PCNX2: variants seen among roughly 807,000 people sequenced by gnomAD.
PCNX2 encodes the protein pecanex 2, also known as pecanex-like protein 2.
PCNX2 carries 168 observed loss-of-function variants against 223.8 expected under a neutral mutation model. The ratio of observed to expected loss-of-function variants is 0.75; its 90% CI spans 0.66 to 0.85. The LOEUF (loss-of-function observed/expected upper bound fraction) is 0.85, where lower values mean the gene tolerates loss of function less well. PCNX2 is among the 40% of genes least tolerant of loss of function. PCNX2 has a pLI of 0.00. For missense variants in PCNX2, 2,507 were observed against 2,675.5 expected (o/e 0.94, Z 1.39); for synonymous variants, 1,006 against 1,052.6 (o/e 0.96, Z 0.86).
At chr1:233,020,863 G>C (rs1420239170) in intron 26 of PCNX2, among the ~76,000 whole-genome samples, 1 of 152,130 alleles carries the variant, frequency 6.6e-6, no homozygotes, top group Non-Finnish European at 1.5e-5. Context: ...TTTATTAGGA[G>C]ATTTCAAAAA....
chr1:233,043,160 C>T (rs1247030617), intron 25 of PCNX2, among the ~76,000 whole-genome samples: 2 of 152,152 alleles, frequency 1.3e-5, no homozygotes, highest in African/African-American at 2.4e-5. Context: ...ATGGTGATTC[C>T]TCATTCATTT....
intron 21 of PCNX2, among the ~76,000 whole-genome samples, chr1:233,100,197 G>A (rs994516241): frequency 1.3e-5 from 2 of 152,120 alleles, no homozygotes; most frequent in Admixed American, 6.5e-5. Flanking sequence ...CAGATCACCA[G>A]AGGTCAGGAG....
intron 23 of PCNX2, chr1:233,058,665 C>CTTTTTTTTTTTTTTTTTTT (rs771648037): frequency 6.7e-5 from 8 of 119,812 alleles, no homozygotes; most frequent in African/African-American, 1.7e-4. Context: ...CTTTTCTTTT[C>CTTTTTTTTTTTTTTTTTTT]TTTTTTTTTT....
chr1:233,147,326 T>C (rs897500099), intron 19 of PCNX2, among the ~76,000 whole-genome samples: 7 of 152,214 alleles, frequency 4.6e-5, no homozygotes, highest in African/African-American at 1.2e-4. Context: ...TGTATTCTTA[T>C]AATAAAGCAT....
intron 1 of PCNX2, among the ~76,000 whole-genome samples, chr1:233,278,099 C>G (rs912905253): frequency 9.2e-5 from 14 of 152,232 alleles, no homozygotes; most frequent in African/African-American, 3.1e-4. Flanking sequence ...TTTATGGACT[C>G]TATTTCAAGT....
At chr1:233,278,836 G>A (rs938869101) in intron 1 of PCNX2, among the ~76,000 whole-genome samples, 1 of 152,108 alleles carries the variant, frequency 6.6e-6, no homozygotes, top group Non-Finnish European at 1.5e-5. Flanking sequence ...CCTCTTTACA[G>A]TATCATTTCT....
chr1:233,256,890 A>G (rs1048376134), intron 5 of PCNX2, among the ~76,000 whole-genome samples: 10 of 152,204 alleles, frequency 6.6e-5, no homozygotes, highest in Non-Finnish European at 1.5e-4. Context: ...GCTGTCCAGA[A>G]AGCAGAGGAA....
the PCNX2 span, among the ~76,000 whole-genome samples, chr1:233,311,890 C>T: frequency 6.6e-6 from 1 of 152,064 alleles, no homozygotes; most frequent in South Asian, 2.1e-4. Flanking sequence ...GAGGCTGAGG[C>T]GGGCAGATCA....
the PCNX2 span, among the ~76,000 whole-genome samples, chr1:233,327,098 T>C: frequency 6.6e-6 from 1 of 152,058 alleles, no homozygotes; most frequent in Admixed American, 6.5e-5. Flanking sequence ...ATTTCTTCTG[T>C]AGCCCGTTCT....
Position 233,000,641 on chromosome 1 carries a change from T to C in PCNX2, c.5098-106A>G, listed in dbSNP as rs533684252. On this transcript the variant is annotated intron_variant, in intron 29 of 33. Transcript: ENST00000258229. This position sits in a 1 kb window ranked among gnomAD's most constrained non-coding sequence, Gnocchi z 4.6. Reference sequence around the variant, plus strand: ...CAGTGACCTCCAAAGCTAAGCTCTTTCCTCATCTTCCTCTCTCCTGTTCTT... The same window carrying C: ...CAGTGACCTCCAAAGCTAAGCTCTTCCCTCATCTTCCTCTCTCCTGTTCTT... The C allele has an allele frequency of 3.5e-5, 28 of 811,114 alleles. No individual in the cohort carries two copies. The East Asian group carries it at 6.7e-4, about 19-fold the overall frequency. 50.2% of individuals were successfully genotyped at this position (811,114 alleles called of 1,614,324 possible). A position where few individuals can be genotyped will look rare whatever the true frequency, so the allele number is the denominator to read the frequency against.
rs145195728 is a variant in PCNX2, at chr1:233,020,802, G to C, written c.4606-3648C>G. 1.2e-3 allele frequency among the ~76,000 whole-genome samples: 183 copies of C among 152,330 alleles called. 1 individual carries two copies. The highest frequency in any genetic ancestry group is 1.2e-3 in the Non-Finnish European group (82 of 68,030). ...CACGAGGGAAAACCTCAAGTCGCCA[G>C]GAAGGAAATGATTTCAAATATATTC... On this transcript the variant is annotated intron_variant, in intron 26 of 33. Coordinates refer to ENST00000258229, the MANE Select transcript of PCNX2 (RefSeq NM_014801.4).
intron 19 of PCNX2, among the ~76,000 whole-genome samples, chr1:233,142,453 G>A (rs1317971807): frequency 6.6e-6 from 1 of 152,118 alleles, no homozygotes; most frequent in African/African-American, 2.4e-5. Context: ...TGCATCCTGT[G>A]CTCCTGCCAT....
At chr1:233,241,161 T>C in intron 8 of PCNX2, 1 of 984,072 alleles carries the variant, frequency 1.0e-6, no homozygotes, top group Middle Eastern at 5.2e-4. Context: ...CAGGGATTCT[T>C]GTTCAATTCT....
In PCNX2 at chr1:233,258,206, T is replaced by C; in HGVS notation, c.1656A>G (p.Thr552=). 1 of 1,614,004 alleles carries C rather than the reference T, an allele frequency of 6.2e-7. No individual in the cohort carries two copies. The highest frequency in any genetic ancestry group is 8.5e-7 in the Non-Finnish European group (1 of 1,179,892). The stretch of plus-strand genomic sequence containing the variant: ...ATTTGGAAGTTGGCATTGTTTTCTC[T>C]GTATCGTTAACAATTTCTGCAGAAC... The part of the protein sequence containing the change: ...SKSSAEIVND[T]EKTMPTSKSD... The change falls in exon 5 of 34, where the codon ACA becomes ACG. Residue 552 remains threonine, a synonymous_variant. Coordinates refer to ENST00000258229, the MANE Select transcript of PCNX2 (RefSeq NM_014801.4).
At chr1:233,204,880 G>C (rs1681354317) in intron 13 of PCNX2, among the ~76,000 whole-genome samples, 1 of 152,132 alleles carries the variant, frequency 6.6e-6, no homozygotes, top group Admixed American at 6.5e-5. Context: ...GCTTTAATGA[G>C]AGAAAGGGAA....
chr1:232,984,143 CTG>C lies in PCNX2; in HGVS notation c.*159_*160del. 6.6e-6 allele frequency: 1 copy of C among 152,094 alleles called. No homozygotes were observed. Among genetic ancestry groups the C allele is most frequent in the Non-Finnish European group, 1.2e-5 (1 of 80,778 alleles). The allele number at this position is 152,094 out of a possible 1,614,324, so 9.4% of individuals were successfully genotyped here. A position where few individuals can be genotyped will look rare whatever the true frequency, so the allele number is the denominator to read the frequency against. On this transcript the variant is annotated 3_prime_UTR_variant, in exon 34 of 34. Coordinates refer to ENST00000258229, the MANE Select transcript of PCNX2 (RefSeq NM_014801.4). ...TTTTTTTTTTTTTTTTTTCAAAAAC[CTG>C]AGATCAGTTCTGTGTTCTGGAACAG... is the stretch of plus-strand genomic sequence containing the variant.
At chr1:233,090,684 T>C (rs2295746) in intron 22 of PCNX2, among the ~76,000 whole-genome samples, 49,454 of 152,142 alleles carry the variant, frequency 0.33, 9,169 homozygotes, top group Middle Eastern at 0.42. Context: ...GGTAGATGGA[T>C]ACACAGATAA....
At chr1:233,189,070 A>G (rs1680272809) in intron 15 of PCNX2, among the ~76,000 whole-genome samples, 1 of 152,184 alleles carries the variant, frequency 6.6e-6, no homozygotes, top group African/African-American at 2.4e-5. Flanking sequence ...ACTTTTAGCC[A>G]GGCACTTTAT....
At chr1:233,323,535 A>G in the PCNX2 span, among the ~76,000 whole-genome samples, 2 of 152,234 alleles carry the variant, frequency 1.3e-5, no homozygotes, top group African/African-American at 2.4e-5. Flanking sequence ...GTGTCTCTGT[A>G]TCACATTTGG....
Sources: gnomAD v4.1 joint callset for allele counts (sites outside exome capture counted in the v4.1 genomes callset) on GRCh38, gnomAD v4.1.1 for gene constraint, Gnocchi (gnomAD v3.1) non-coding constraint, MANE v1.5 for transcripts, NCBI Gene and HGNC (gene_info 2026-07-23, HGNC 2026-07-21) for gene names.